ZMYM1: variants seen among roughly 807,000 people sequenced by gnomAD.
ZMYM1 encodes the protein zinc finger MYM-type protein 1.
A neutral mutation model predicts 60.0 loss-of-function variants in ZMYM1; 39 were observed. That is an observed-to-expected ratio of 0.65 (90% CI 0.50 to 0.85). The LOEUF (loss-of-function observed/expected upper bound fraction) is 0.85. ZMYM1 is among the 40% of genes least tolerant of loss of function. The pLI is 0.00. For synonymous variants in ZMYM1, 413 were observed against 454.0 expected (o/e 0.91, Z 1.15); for missense variants, 1,171 against 1,309.5 (o/e 0.89, Z 1.63).
chr1:35,088,686 T>C (rs1488462706), intron 1 of ZMYM1, among the ~76,000 whole-genome samples: 3 of 151,506 alleles, frequency 2.0e-5, no homozygotes, highest in Non-Finnish European at 1.5e-5. Flanking sequence ...TACTCTAATG[T>C]GCATCTTGTT....
Position 35,111,761 on chromosome 1 carries a change from A to G in ZMYM1, c.962-11A>G, listed in dbSNP as rs1644093881. The G allele has an allele frequency of 6.4e-7, 1 of 1,553,118 alleles. No homozygotes were observed. The highest frequency in any genetic ancestry group is 2.0e-5 in the Admixed American group (1 of 50,362). ...TGCCTTGTTTATAAGAAATCTTTTT[A>G]TTGTTGTCAGTAAGTGTTGTTTCTG... On this transcript the variant is annotated splice_polypyrimidine_tract_variant and intron_variant, in intron 7 of 9. Coordinates refer to ENST00000359858, the MANE Select transcript of ZMYM1 (RefSeq NM_024772.5).
Position 35,115,030 on chromosome 1 carries a change from C to T in ZMYM1, c.3200C>T (p.Ser1067Leu). 6.2e-7 allele frequency: 1 copy of T among 1,613,968 alleles called. No individual in the cohort carries two copies. The highest frequency in any genetic ancestry group is 8.5e-7 in the Non-Finnish European group (1 of 1,179,892). Residue 1067 changes from serine to leucine, a missense_variant, in exon 10 of 10, where the codon TCA (serine) becomes TTA (leucine). By Grantham distance (145) the Ser-to-Leu change is moderately radical. Coordinates refer to ENST00000359858, the MANE Select transcript of ZMYM1 (RefSeq NM_024772.5). ...CTTCACAGTAATATTCCTTGTCTCT[C>T]AAAGCTATTATATATTGCTTTGTCT... The part of the protein sequence containing the change: ...HGLHSNIPCL[S>L]KLLYIALSWP...
chr1:35,060,554 A>G (rs549977328), intron 1 of ZMYM1, among the ~76,000 whole-genome samples: 1 of 152,276 alleles, frequency 6.6e-6, no homozygotes, highest in African/African-American at 2.4e-5. Flanking sequence ...GGAGGAAGGA[A>G]GACCTCTGAA....
chr1:35,108,930 G>C (rs186661319), intron 6 of ZMYM1, among the ~76,000 whole-genome samples: 1 of 151,868 alleles, frequency 6.6e-6, no homozygotes, highest in South Asian at 2.1e-4. Flanking sequence ...GGCTGGTCTC[G>C]AACTCCTGGG....
At chr1:35,078,726 T>A (rs948651651), upstream of ZMYM1, among the ~76,000 whole-genome samples, 1 of 151,836 alleles carries the variant, frequency 6.6e-6, no homozygotes, top group African/African-American at 2.4e-5. Context: ...TTTCTGTATT[T>A]TTAATAGAGA....
At chr1:35,078,581 C>G (rs1424220167), upstream of ZMYM1, among the ~76,000 whole-genome samples, 1 of 108,502 alleles carries the variant, frequency 9.2e-6, no homozygotes, top group Non-Finnish European at 1.7e-5. Flanking sequence ...CGCAGTCTCT[C>G]TCTGTCGCTC....
Position 35,114,624 on chromosome 1 carries a change from A to G in ZMYM1, c.2794A>G (p.Lys932Glu). 1 of 1,607,650 alleles carries G rather than the reference A, an allele frequency of 6.2e-7. No homozygotes were observed. The highest frequency in any genetic ancestry group is 8.5e-7 in the Non-Finnish European group (1 of 1,178,424). The change falls in exon 10 of 10, where the codon AAA becomes GAA. Residue 932 changes from lysine (K) to glutamate (E), a missense_variant. Physicochemically the swap from Lys to Glu is moderately conservative, Grantham distance 56 (BLOSUM62 1). Transcript: ENST00000359858. ...KITCKGFKVEKPSLQKRRKIQ... is the reference protein window; with the variant it reads ...KITCKGFKVEEPSLQKRRKIQ... ...AACCTGTAAAGGTTTTAAAGTTGAAAAACCTTCTCTTCAGAAAAGAAGAAA... is the reference window on the plus strand; with the variant it reads ...AACCTGTAAAGGTTTTAAAGTTGAAGAACCTTCTCTTCAGAAAAGAAGAAA...
intron 1 of ZMYM1, among the ~76,000 whole-genome samples, chr1:35,092,393 C>T (rs1019982452): frequency 1.2e-5 from 1 of 82,884 alleles, no homozygotes; most frequent in Admixed American, 1.2e-4. Flanking sequence ...CCACCACACT[C>T]GGTTGATTTT....
intron 1 of ZMYM1, among the ~76,000 whole-genome samples, chr1:35,091,887 CAAAAAAAAAAA>C (rs779081046): frequency 5.9e-5 from 5 of 84,532 alleles, no homozygotes; most frequent in African/African-American, 2.0e-4. Context: ...GATCTTGTCT[CAAAAAAAAAAA>C]AAAAAAAAAA....
intron 4 of ZMYM1, among the ~76,000 whole-genome samples, chr1:35,098,408 A>G (rs1205033901): frequency 6.6e-6 from 1 of 152,204 alleles, no homozygotes; most frequent in African/African-American, 2.4e-5. Context: ...AGGATATGCT[A>G]ATTTTTAAAT....
upstream of ZMYM1, among the ~76,000 whole-genome samples, chr1:35,076,691 G>A (rs1642172980): frequency 6.6e-6 from 1 of 151,540 alleles, no homozygotes; most frequent in Non-Finnish European, 1.5e-5. Flanking sequence ...ACAGCACCCA[G>A]GGAGGCTGAG....
chr1:35,087,593 A>G (rs1642728037), intron 1 of ZMYM1, among the ~76,000 whole-genome samples: 1 of 151,570 alleles, frequency 6.6e-6, no homozygotes, highest in Non-Finnish European at 1.5e-5. Flanking sequence ...CGCTCGGCTA[A>G]TTTTTTGTAT....
chr1:35,114,833 G>A lies in ZMYM1; in HGVS notation c.3003G>A (p.Trp1001Ter). Residue 1001 changes from tryptophan to a stop codon, truncating the protein, a stop_gained, in exon 10 of 10, where the codon TGG becomes TGA. Transcript: ENST00000359858. LOFTEE classifies it low-confidence loss of function (END_TRUNC). ...IKQISELLFKWNEPLNETTAK... is the reference protein window; with the variant it reads ...IKQISELLFK Reference sequence around the variant, plus strand: ...AAATTTCAGAACTGTTATTTAAATGGAATGAACCATTAAATGAAACAACAG... The same window carrying A: ...AAATTTCAGAACTGTTATTTAAATGAAATGAACCATTAAATGAAACAACAG... 2 of 1,606,400 alleles carry A rather than the reference G, an allele frequency of 1.2e-6. No individual in the cohort carries two copies. The highest frequency in any genetic ancestry group is 2.2e-5 in the East Asian group (1 of 44,796).
At position 35,104,773 on chromosome 1, in the gene ZMYM1, T is replaced by C. The variant is rs752151264; in HGVS notation, c.807+4T>C. 1.9e-6 allele frequency: 3 copies of C among 1,607,084 alleles called. No homozygotes were observed. The highest frequency in any genetic ancestry group is 1.7e-5 in the Admixed American group (1 of 59,920). On this transcript the variant is annotated splice_donor_region_variant and intron_variant, in intron 6 of 9. Transcript: ENST00000359858. ...GAGTATTACAGCATATAAGCAGGTA[T>C]GAATAAAGACCTATTGTTTCTTCTA...
rs778059950 is a variant in ZMYM1 at position 35,115,104 on chromosome 1, C to T, written c.3274C>T (p.Arg1092Cys). The change falls in exon 10 of 10, where the codon CGT becomes TGT. Residue 1092 changes from arginine to cysteine, a missense_variant. Physicochemically the swap from Arg to Cys is radical, Grantham distance 180. Coordinates refer to ENST00000359858, the MANE Select transcript of ZMYM1 (RefSeq NM_024772.5). ...TGAGAACTCATTTTCTACCCTGCCT[C>T]GTCTTAAGACATATTTATGTAATAC... ...STENSFSTLPRLKTYLCNTMG... is the reference protein window; with the variant it reads ...STENSFSTLPCLKTYLCNTMG... 9 of 1,613,938 alleles carry T rather than the reference C, an allele frequency of 5.6e-6. No homozygotes were observed. Among genetic ancestry groups the T allele is most frequent in the East Asian group, 4.5e-5 (2 of 44,882 alleles).
At chr1:35,067,745 C>T (rs766815662) in intron 1 of ZMYM1, among the ~76,000 whole-genome samples, 1 of 151,586 alleles carries the variant, frequency 6.6e-6, no homozygotes, top group Non-Finnish European at 1.5e-5. Context: ...CATGGTGGTG[C>T]GCGCCTGTGG....
chr1:35,068,650 A>G (rs1262084845), intron 1 of ZMYM1, among the ~76,000 whole-genome samples: 2 of 141,538 alleles, frequency 1.4e-5, no homozygotes, highest in Non-Finnish European at 3.1e-5. Context: ...AAAAAAAAAA[A>G]TATATATATA....
At chr1:35,104,865 T>C (rs985796660) in intron 6 of ZMYM1, 96 bp downstream of exon 6, 5 of 939,452 alleles carry the variant, frequency 5.3e-6, no homozygotes, top group Non-Finnish European at 8.0e-6. Flanking sequence ...CCCTTTGGAA[T>C]AATGTCGATA....
In ZMYM1 at chr1:35,104,590, CAT is replaced by C; in HGVS notation, c.630_631del (p.His210GlnfsTer5). 2 of 1,614,108 alleles carry C rather than the reference CAT, an allele frequency of 1.2e-6. No individual in the cohort carries two copies. The highest frequency in any genetic ancestry group is 1.7e-6 in the Non-Finnish European group (2 of 1,180,016). ...TGAAGTAAAATACCAAAATGTGAAA[CAT>C]AATCTTTGCAGTAATGCCTGCCTTT... ...QYEVKYQNVK[H>X]NLCSNACLSK... On this transcript the variant is annotated frameshift_variant, in exon 6 of 10. Transcript: ENST00000359858. LOFTEE classifies it high-confidence loss of function.
Sources: allele counts gnomAD v4.1 joint callset (sites outside exome capture counted in the v4.1 genomes callset), GRCh38; gene constraint gnomAD v4.1.1; transcripts MANE v1.5; gene names NCBI Gene and HGNC (gene_info 2026-07-23, HGNC 2026-07-21).